The following HNRNPM variants were observed in gnomAD, a reference collection of about 807,000 sequenced individuals.
The protein encoded by HNRNPM is heterogeneous nuclear ribonucleoprotein M, also known as CEA receptor.
A neutral mutation model predicts 73.1 loss-of-function variants in HNRNPM; 11 were observed. That is an observed-to-expected ratio of 0.15 (90% CI 0.09 to 0.25). The LOEUF (loss-of-function observed/expected upper bound fraction) is 0.25, where lower values mean the gene tolerates loss of function less well. Among genes scored for constraint, HNRNPM ranks in the 10% least tolerant of loss-of-function variants. The probability of loss-of-function intolerance (pLI) is 1.00; values close to 1 mark genes in which losing one functional copy is unlikely to be tolerated. For missense variants in HNRNPM, 789 were observed against 1,067.9 expected (o/e 0.74, Z 3.64); for synonymous variants, 407 against 355.2 (o/e 1.15, Z -1.64).
At position 8,476,081 on chromosome 19, in the gene HNRNPM, C is replaced by G. The variant is rs927900964; in HGVS notation, c.1120+1837C>G. ...TGGTGAACTGGCAGGTGTAATCTCG[C>G]AGTCAGGATTCAGAGCCTGGGGTAC... On this transcript the variant is annotated intron_variant, in intron 12 of 15. Transcript: ENST00000325495. Among the ~76,000 whole-genome samples the G allele has an allele frequency of 5.9e-5, 9 of 152,220 alleles. No homozygotes were observed. In the South Asian group the frequency reaches 8.3e-4, roughly 14 times the overall value.
chr19:8,460,646 C>T (rs1290395829), intron 2 of HNRNPM, among the ~76,000 whole-genome samples: 2 of 152,216 alleles, frequency 1.3e-5, no homozygotes, highest in South Asian at 2.1e-4. Context: ...TTCTGGGTTG[C>T]AATTACAGCT....
intron 12 of HNRNPM, chr19:8,481,329 C>T (rs1375758545): frequency 6.5e-6 from 1 of 152,830 alleles, no homozygotes; most frequent in Admixed American, 6.5e-5. Flanking sequence ...CTGCTCAGGG[C>T]ATTGGCTCTG....
chr19:8,481,500 GC>G (rs34345656), intron 12 of HNRNPM: 41,107 of 152,176 alleles, frequency 0.27, 6,510 homozygotes, highest in South Asian at 0.42. Context: ...GGAGAATTCC[GC>G]CATTCTCTGC....
intron 2 of HNRNPM, among the ~76,000 whole-genome samples, chr19:8,457,955 CTG>C (rs1969137669): frequency 1.3e-5 from 2 of 152,140 alleles, no homozygotes; most frequent in African/African-American, 2.4e-5. Flanking sequence ...CTTTATCAGT[CTG>C]TGTTTTAAGG....
At chr19:8,479,011 G>T (rs1462291134) in intron 12 of HNRNPM, among the ~76,000 whole-genome samples, 5 of 151,236 alleles carry the variant, frequency 3.3e-5, no homozygotes, top group African/African-American at 1.2e-4. Context: ...CTATCCGTAT[G>T]CAGAGAAATT....
intron 9 of HNRNPM, 80 bp downstream of exon 9, chr19:8,468,914 T>A: frequency 8.6e-7 from 1 of 1,163,482 alleles, no homozygotes; most frequent in South Asian, 1.2e-5. Flanking sequence ...TGGTTTCACT[T>A]GAACCTGTGC....
chr19:8,464,124 A>G (rs1287948877), intron 5 of HNRNPM, among the ~76,000 whole-genome samples: 1 of 152,166 alleles, frequency 6.6e-6, no homozygotes, highest in East Asian at 1.9e-4. Context: ...GCATGCCTGT[A>G]GTCCTAGCTA....
chr19:8,482,075 C>T (rs570187922), intron 12 of HNRNPM, among the ~76,000 whole-genome samples: 74 of 150,276 alleles, frequency 4.9e-4, no homozygotes, highest in East Asian at 1.6e-3. Context: ...AGGGTTCAAG[C>T]GATTCTCCCG....
chr19:8,469,549 C>A (rs1342901676), intron 9 of HNRNPM, among the ~76,000 whole-genome samples: 1 of 152,200 alleles, frequency 6.6e-6, no homozygotes, highest in Non-Finnish European at 1.5e-5. Flanking sequence ...TTGTGACACC[C>A]AGGTGAAAAT....
At chr19:8,468,574 A>T (rs1969916068) in intron 8 of HNRNPM, among the ~76,000 whole-genome samples, 200 bp from the exon 9 acceptor site, 1 of 152,126 alleles carries the variant, frequency 6.6e-6, no homozygotes, top group South Asian at 2.1e-4. Context: ...ATCATCCCCC[A>T]CAATAATATC....
chr19:8,483,291 A>T (rs1599871), intron 13 of HNRNPM, 80 bp downstream of exon 13: 15 of 1,113,282 alleles, frequency 1.3e-5, no homozygotes, highest in South Asian at 2.5e-5. Flanking sequence ...AGTGGTGAGA[A>T]GTGCGGGTTC....
In HNRNPM at chr19:8,454,684, C is replaced by CCCT. The variant is rs1491140298; in HGVS notation, c.114-721_114-720insCCT. 1.1e-3 allele frequency among the ~76,000 whole-genome samples: 126 copies of CCCT among 118,786 alleles called. 4 individuals carry two copies. The highest frequency in any genetic ancestry group is 5.3e-3 in the East Asian group (21 of 3,978). The allele number at this position is 118,786 out of a possible 152,430, so 77.9% of individuals were successfully genotyped here. A position where few individuals can be genotyped will look rare whatever the true frequency, so the allele number is the denominator to read the frequency against. ...CTGCATCATTTTATGCCCCCCCCCC[C>CCCT]TTTTTTTTTTTAACACTATGAAAGA... is the stretch of plus-strand genomic sequence containing the variant. On this transcript the variant is annotated intron_variant, in intron 1 of 15. Transcript: ENST00000325495.
At chr19:8,445,834 C>T (rs1555696547) in intron 1 of HNRNPM, among the ~76,000 whole-genome samples, 1 of 152,258 alleles carries the variant, frequency 6.6e-6, no homozygotes, top group South Asian at 2.1e-4. Flanking sequence ...CCCTCGGAAG[C>T]AGACAGATAC....
intron 9 of HNRNPM, among the ~76,000 whole-genome samples, chr19:8,470,926 C>A (rs533499036): frequency 6.6e-6 from 1 of 152,090 alleles, no homozygotes; most frequent in Non-Finnish European, 1.5e-5. Context: ...TGGTTTGTAA[C>A]GTGTTTTTTC....
intron 1 of HNRNPM, among the ~76,000 whole-genome samples, chr19:8,445,760 G>GCTC (rs1252927486): frequency 6.6e-6 from 1 of 152,214 alleles, no homozygotes; most frequent in Admixed American, 6.5e-5. Flanking sequence ...GCCGTTTCCC[G>GCTC]CTCCTCCTCC....
At chr19:8,447,433 A>G (rs577437797) in intron 1 of HNRNPM, among the ~76,000 whole-genome samples, 4 of 152,046 alleles carry the variant, frequency 2.6e-5, no homozygotes, top group Non-Finnish European at 4.4e-5. Context: ...GTTGCTTGGT[A>G]GAAAGAATGG....
At chr19:8,446,811 A>T (rs1193724732) in intron 1 of HNRNPM, among the ~76,000 whole-genome samples, 1 of 152,196 alleles carries the variant, frequency 6.6e-6, no homozygotes, top group Non-Finnish European at 1.5e-5. Context: ...GGAGAAATAA[A>T]ATACCATGGT....
At chr19:8,451,793 A>T (rs11259985) in intron 1 of HNRNPM, among the ~76,000 whole-genome samples, 35,143 of 152,014 alleles carry the variant, frequency 0.23, 5,052 homozygotes, top group East Asian at 0.5. Flanking sequence ...CAGCCTCCCA[A>T]ACTGCTGGGA....
At chr19:8,478,459 G>A (rs1178570138) in intron 12 of HNRNPM, among the ~76,000 whole-genome samples, 1 of 152,138 alleles carries the variant, frequency 6.6e-6, no homozygotes, top group Non-Finnish European at 1.5e-5. Flanking sequence ...GGGATATCTC[G>A]AAGCTTTGGA....
Sources: allele counts gnomAD v4.1 joint callset (sites outside exome capture counted in the v4.1 genomes callset), GRCh38; gene constraint gnomAD v4.1.1; transcripts MANE v1.5; gene names NCBI Gene and HGNC (gene_info 2026-07-23, HGNC 2026-07-21).